The following KIAA1328 variants were observed in gnomAD, a reference collection of about 807,000 sequenced individuals.
KIAA1328 encodes protein hinderin.
A neutral mutation model predicts 68.1 loss-of-function variants in KIAA1328; 52 were observed. The ratio of observed to expected loss-of-function variants is 0.76; its 90% CI spans 0.61 to 0.96. The LOEUF is 0.96. Among genes scored for constraint, KIAA1328 ranks in the 40% least tolerant of loss-of-function variants. The pLI is 0.00. For missense variants in KIAA1328, 641 were observed against 677.6 expected (o/e 0.95, Z 0.60); for synonymous variants, 232 against 239.4 (o/e 0.97, Z 0.28).
intron 6 of KIAA1328, among the ~76,000 whole-genome samples, chr18:36,987,490 A>AT (rs1568256832): frequency 9.7e-5 from 7 of 72,338 alleles, no homozygotes; most frequent in African/African-American, 2.2e-4. Flanking sequence ...TATAATAAAA[A>AT]AAAATAAATA....
rs140917437 is a variant in KIAA1328 at position 36,981,012 on chromosome 18, T to C, written c.576+21577T>C. Among the ~76,000 whole-genome samples, 108 of 152,288 alleles carry C rather than the reference T, an allele frequency of 7.1e-4. 2 individuals are homozygous for C. The East Asian group carries it at 0.018, about 25-fold the overall frequency. The stretch of plus-strand genomic sequence containing the variant: ...TATCAGCAGCATGAAAACAGACTAA[T>C]ACACCAACTAACAAGGAAAACTTAA... On this transcript the variant is annotated intron_variant, in intron 6 of 9. Coordinates refer to ENST00000280020, the MANE Select transcript of KIAA1328 (RefSeq NM_020776.3).
chr18:36,902,552 A>G (rs1028763417), intron 5 of KIAA1328, among the ~76,000 whole-genome samples: 2 of 152,088 alleles, frequency 1.3e-5, no homozygotes, highest in African/African-American at 4.8e-5. Context: ...TTGACCTCAG[A>G]GGAAAAAATA....
At chr18:36,940,424 A>G (rs2050664594) in intron 5 of KIAA1328, among the ~76,000 whole-genome samples, 1 of 152,148 alleles carries the variant, frequency 6.6e-6, no homozygotes, top group African/African-American at 2.4e-5. Flanking sequence ...GGTTGATTAT[A>G]TAGAAAGGTT....
intron 5 of KIAA1328, 71 bp from the exon 6 acceptor site, chr18:36,959,237 A>G (rs1598824624): frequency 2.9e-6 from 4 of 1,394,000 alleles, no homozygotes; most frequent in East Asian, 5.2e-5. Flanking sequence ...TTATTGGAAT[A>G]TGAAAAGCAG....
chr18:36,853,738 A>G (rs1280744940), intron 4 of KIAA1328, among the ~76,000 whole-genome samples: 1 of 151,812 alleles, frequency 6.6e-6, no homozygotes, highest in East Asian at 1.9e-4. Context: ...GGCTCACTGC[A>G]ACCTCCGTCT....
intron 5 of KIAA1328, among the ~76,000 whole-genome samples, chr18:36,938,132 G>C (rs2050575135): frequency 6.6e-6 from 1 of 152,080 alleles, no homozygotes; most frequent in African/African-American, 2.4e-5. Flanking sequence ...TGGGATTGCT[G>C]GAACACATAG....
chr18:37,149,772 T>A (rs1009866483), intron 7 of KIAA1328, among the ~76,000 whole-genome samples: 1 of 152,146 alleles, frequency 6.6e-6, no homozygotes, highest in African/African-American at 2.4e-5. Context: ...GCAGCTACTC[T>A]TTGGTAAGTC....
At chr18:36,976,175 C>A (rs528999310) in intron 6 of KIAA1328, among the ~76,000 whole-genome samples, 1 of 152,210 alleles carries the variant, frequency 6.6e-6, no homozygotes, top group South Asian at 2.1e-4. Context: ...CTGAGGAGAA[C>A]TGAATTTTGT....
In KIAA1328 at chr18:36,849,293, C is replaced by G. The variant is rs189099036; in HGVS notation, c.332+4991C>G. 8.6e-5 allele frequency among the ~76,000 whole-genome samples: 13 copies of G among 152,040 alleles called. No individual in the cohort carries two copies. The East Asian group carries it at 2.5e-3, about 29-fold the overall frequency. Reference sequence around the variant, plus strand: ...TGTGTGTTTTTAATGTGGTAAAATACACATGACATAAATTGATCATTAGTG... The same window carrying G: ...TGTGTGTTTTTAATGTGGTAAAATAGACATGACATAAATTGATCATTAGTG... On this transcript the variant is annotated intron_variant, in intron 4 of 9. Coordinates refer to ENST00000280020, the MANE Select transcript of KIAA1328 (RefSeq NM_020776.3).
intron 2 of KIAA1328, 130 bp from the exon 3 acceptor site, chr18:36,835,104 A>T (rs1022930997): frequency 1.5e-4 from 88 of 586,376 alleles, no homozygotes; most frequent in Non-Finnish European, 2.4e-4. Context: ...CTTTAAAATT[A>T]AGTTTATAAA....
At position 37,034,176 on chromosome 18, in the gene KIAA1328, A is replaced by G. The variant is rs529537623; in HGVS notation, c.577-32714A>G. ...GAGAGGAAAGTGTATCATGGGCATA[A>G]TAAGTGCATAGTAATAAAACTTATG... is the stretch of plus-strand genomic sequence containing the variant. On this transcript the variant is annotated intron_variant, in intron 6 of 9. Transcript: ENST00000280020. Among the ~76,000 whole-genome samples the G allele has an allele frequency of 9.2e-4, 140 of 152,296 alleles. 1 individual carries two copies. In the South Asian group the frequency reaches 0.026, roughly 28 times the overall value.
chr18:37,000,876 A>C (rs553269532), intron 6 of KIAA1328, among the ~76,000 whole-genome samples: 1 of 152,116 alleles, frequency 6.6e-6, no homozygotes, highest in African/African-American at 2.4e-5. Flanking sequence ...CAAAACTTGT[A>C]GGATACAGCA....
At chr18:37,093,112 A>G (rs2057311141) in intron 7 of KIAA1328, among the ~76,000 whole-genome samples, 1 of 152,176 alleles carries the variant, frequency 6.6e-6, no homozygotes, top group African/African-American at 2.4e-5. Flanking sequence ...AAAGCACCCT[A>G]CTCAGCCAAC....
At chr18:37,100,429 C>CA (rs1402129138) in intron 7 of KIAA1328, among the ~76,000 whole-genome samples, 3 of 152,300 alleles carry the variant, frequency 2.0e-5, no homozygotes, top group African/African-American at 7.2e-5. Flanking sequence ...ATTGCTAGCA[C>CA]AGCAGTCTGT....
intron 9 of KIAA1328, among the ~76,000 whole-genome samples, chr18:37,178,196 C>A (rs1331872001): frequency 6.6e-6 from 1 of 152,090 alleles, no homozygotes; most frequent in African/African-American, 2.4e-5. Flanking sequence ...ACCCCTCTCT[C>A]CCCATGTCCC....
chr18:37,151,860 T>G (rs2059037686), intron 7 of KIAA1328, among the ~76,000 whole-genome samples: 1 of 152,076 alleles, frequency 6.6e-6, no homozygotes, highest in Non-Finnish European at 1.5e-5. Context: ...TCAGAACTTT[T>G]GCACGGTGAG....
chr18:36,928,613 T>C (rs1326970925), intron 5 of KIAA1328, among the ~76,000 whole-genome samples: 1 of 152,236 alleles, frequency 6.6e-6, no homozygotes, highest in Non-Finnish European at 1.5e-5. Flanking sequence ...TTGATGTCTT[T>C]AACATTTTCT....
At chr18:37,122,508 T>C (rs2151937472) in intron 7 of KIAA1328, among the ~76,000 whole-genome samples, 1 of 152,192 alleles carries the variant, frequency 6.6e-6, no homozygotes, top group Middle Eastern at 3.4e-3. Flanking sequence ...ATGTTAAAAA[T>C]ACAGGAGAGG....
intron 9 of KIAA1328, among the ~76,000 whole-genome samples, chr18:37,220,661 G>A (rs2060540775): frequency 6.6e-6 from 1 of 152,190 alleles, no homozygotes; most frequent in Non-Finnish European, 1.5e-5. Flanking sequence ...AGGCCAGAAA[G>A]ATGACATTTT....
Sources: gnomAD v4.1 joint callset for allele counts (sites outside exome capture counted in the v4.1 genomes callset) on GRCh38, gnomAD v4.1.1 for gene constraint, MANE v1.5 for transcripts, NCBI Gene and HGNC (gene_info 2026-07-23, HGNC 2026-07-21) for gene names.